The following SLC35F3 variants were observed in gnomAD, a reference collection of about 807,000 sequenced individuals.
SLC35F3 encodes the protein solute carrier family 35 member F3.
Under a neutral mutation model 49.9 loss-of-function variants are expected in SLC35F3, and 25 were observed. That is an observed-to-expected ratio of 0.50 (90% CI 0.37 to 0.70). SLC35F3 has a LOEUF of 0.70. Among genes scored for constraint, SLC35F3 ranks in the 30% least tolerant of loss-of-function variants. The probability of loss-of-function intolerance (pLI) is 0.00; values close to 1 mark genes in which losing one functional copy is unlikely to be tolerated. For missense variants in SLC35F3, 525 were observed against 639.8 expected (o/e 0.82, Z 1.94); for synonymous variants, 275 against 265.4 (o/e 1.04, Z -0.35).
At chr1:234,304,022 CTTCCTTCCTTCCTTCCTTCCTTCTTTCT>C (rs1307421520) in intron 3 of SLC35F3, among the ~76,000 whole-genome samples, 3 of 93,880 alleles carry the variant, frequency 3.2e-5, no homozygotes, top group African/African-American at 1.4e-4. Context: ...TCCTTCCTTC[CTTCCTTCCTTCCTTCCTTCCTTCTTTCT>C]TTCCTTCCTT....
intron 2 of SLC35F3, among the ~76,000 whole-genome samples, chr1:234,101,895 G>A (rs187993150): frequency 3.3e-5 from 5 of 152,188 alleles, no homozygotes; most frequent in Admixed American, 2.6e-4. Context: ...GCAATATCAG[G>A]ATAAACTTAA....
At chr1:233,959,999 G>T (rs1558189856) in intron 2 of SLC35F3, among the ~76,000 whole-genome samples, 1 of 152,216 alleles carries the variant, frequency 6.6e-6, no homozygotes, top group Non-Finnish European at 1.5e-5. Context: ...ACTTGCCACA[G>T]TGTGTTTCCT....
At chr1:234,306,704 C>A (rs1039162465) in intron 3 of SLC35F3, among the ~76,000 whole-genome samples, 1 of 152,160 alleles carries the variant, frequency 6.6e-6, no homozygotes, top group African/African-American at 2.4e-5. Context: ...GATCCCCACT[C>A]TCTCCCCATT....
Position 234,316,824 on chromosome 1 carries a change from G to T in SLC35F3, c.954+97G>T. 5.6e-6 allele frequency: 8 copies of T among 1,436,244 alleles called. No homozygotes were observed. In the South Asian group the frequency reaches 1.1e-4, roughly 19 times the overall value. The allele number at this position is 1,436,244 out of a possible 1,614,324, so 89.0% of individuals were successfully genotyped here. A position where few individuals can be genotyped will look rare whatever the true frequency, so the allele number is the denominator to read the frequency against. The stretch of plus-strand genomic sequence containing the variant: ...TGTCCTTTACTTTTCAACAGCTTCT[G>T]ATGATACCTGTGCTTCAGGACAGGC... On this transcript the variant is annotated intron_variant, in intron 5 of 7. Transcript: ENST00000366618.
At chr1:234,098,700 G>C (rs1054094398) in intron 2 of SLC35F3, among the ~76,000 whole-genome samples, 9 of 151,654 alleles carry the variant, frequency 5.9e-5, no homozygotes, top group Non-Finnish European at 1.0e-4. Flanking sequence ...CTGTATTGGT[G>C]GTGGTAGTGG....
chr1:234,318,716 G>C, intron 5 of SLC35F3, 35 bp from the exon 6 acceptor site: 1 of 1,593,720 alleles, frequency 6.3e-7, no homozygotes, highest in South Asian at 1.1e-5. Context: ...TCTGAGGTGA[G>C]CCTTCACCCC....
chr1:234,298,100 C>T (rs1427594330), intron 3 of SLC35F3, among the ~76,000 whole-genome samples: 2 of 152,148 alleles, frequency 1.3e-5, no homozygotes, highest in East Asian at 1.9e-4. Flanking sequence ...ATTAAATATG[C>T]ACTGCCTTTT....
At chr1:234,182,040 G>A (rs1182064326) in intron 2 of SLC35F3, among the ~76,000 whole-genome samples, 4 of 152,094 alleles carry the variant, frequency 2.6e-5, no homozygotes, top group Non-Finnish European at 5.9e-5. Context: ...TATACGAATG[G>A]CGAAAGGAAT....
At chr1:234,121,321 G>A (rs1665569376) in intron 2 of SLC35F3, among the ~76,000 whole-genome samples, 1 of 151,576 alleles carries the variant, frequency 6.6e-6, no homozygotes, top group South Asian at 2.1e-4. Context: ...GTATTTCTTA[G>A]TAGAGACGGG....
intron 2 of SLC35F3, among the ~76,000 whole-genome samples, chr1:233,912,880 A>C (rs778100269): frequency 2.0e-5 from 3 of 152,224 alleles, no homozygotes; most frequent in Non-Finnish European, 4.4e-5. Context: ...GGGAAGCAAA[A>C]CCATGGAAAA....
chr1:234,072,955 G>A (rs1664740096), intron 2 of SLC35F3, among the ~76,000 whole-genome samples: 1 of 152,144 alleles, frequency 6.6e-6, no homozygotes, highest in Admixed American at 6.5e-5. Flanking sequence ...AGCAGATGGT[G>A]GGAGGACAGG....
chr1:234,322,034 A>ATAG (rs567217270), intron 7 of SLC35F3, among the ~76,000 whole-genome samples: 1 of 151,942 alleles, frequency 6.6e-6, no homozygotes, highest in East Asian at 1.9e-4. Flanking sequence ...AATAATAATA[A>ATAG]TAATAATAAC....
intron 2 of SLC35F3, among the ~76,000 whole-genome samples, chr1:234,128,817 A>C (rs1287977081): frequency 1.3e-5 from 2 of 152,216 alleles, no homozygotes; most frequent in African/African-American, 4.8e-5. Flanking sequence ...AGCACTTTCC[A>C]TCACATTTCT....
At chr1:233,953,783 A>G (rs1269457129) in intron 2 of SLC35F3, among the ~76,000 whole-genome samples, 1 of 152,206 alleles carries the variant, frequency 6.6e-6, no homozygotes, top group Non-Finnish European at 1.5e-5. Context: ...ATGACATAGA[A>G]TGGGAGGGGA....
intron 2 of SLC35F3, among the ~76,000 whole-genome samples, chr1:234,216,251 C>T (rs1257144176): frequency 6.6e-6 from 1 of 152,156 alleles, no homozygotes; most frequent in East Asian, 1.9e-4. Context: ...CTGCCCACTC[C>T]TACCTCCTAG....
At chr1:234,155,205 A>G (rs1263140561) in intron 2 of SLC35F3, among the ~76,000 whole-genome samples, 1 of 152,114 alleles carries the variant, frequency 6.6e-6, no homozygotes, top group Middle Eastern at 3.2e-3. Context: ...CAGAGGGCTG[A>G]TTACATAGGG....
chr1:234,212,284 G>A (rs1234519085), intron 2 of SLC35F3, among the ~76,000 whole-genome samples: 1 of 152,168 alleles, frequency 6.6e-6, no homozygotes, highest in Non-Finnish European at 1.5e-5. Flanking sequence ...AAGTGCTGGA[G>A]GACATCCACA....
intron 2 of SLC35F3, among the ~76,000 whole-genome samples, chr1:234,142,216 A>C (rs528558080): frequency 6.6e-6 from 1 of 152,366 alleles, no homozygotes; most frequent in Non-Finnish European, 1.5e-5. Context: ...CTGTTCTTGC[A>C]GAATTCATTT....
chr1:234,051,247 A>G (rs1303960868), intron 2 of SLC35F3, among the ~76,000 whole-genome samples: 2 of 152,146 alleles, frequency 1.3e-5, no homozygotes, highest in Admixed American at 6.5e-5. Context: ...CCATTTTCAC[A>G]ATATTGATTC....
Sources: allele counts gnomAD v4.1 joint callset (sites outside exome capture counted in the v4.1 genomes callset), GRCh38; gene constraint gnomAD v4.1.1; transcripts MANE v1.5; gene names NCBI Gene and HGNC (gene_info 2026-07-23, HGNC 2026-07-21).